The following GRID1 variants were observed in gnomAD, a reference collection of about 807,000 sequenced individuals.
The protein encoded by GRID1 is glutamate receptor ionotropic, delta-1.
Under a neutral mutation model 98.0 loss-of-function variants are expected in GRID1, and 28 were observed. The ratio of observed to expected loss-of-function variants is 0.29; its 90% CI spans 0.21 to 0.39. The LOEUF is 0.39. Ranked by LOEUF, GRID1 falls within the 10% of genes least tolerant of loss-of-function variation. The pLI, the probability that GRID1 is intolerant of heterozygous loss-of-function variation, is 1.00. For missense variants in GRID1, 1,111 were observed against 1,340.5 expected (o/e 0.83, Z 2.67); for synonymous variants, 553 against 538.5 (o/e 1.03, Z -0.37).
intron 4 of GRID1, among the ~76,000 whole-genome samples, chr10:86,045,671 C>T (rs953218114): frequency 1.1e-4 from 17 of 152,012 alleles, no homozygotes; most frequent in African/African-American, 2.4e-5. Flanking sequence ...GGAAGGAAGG[C>T]GAGGCACCGA....
intron 4 of GRID1, among the ~76,000 whole-genome samples, chr10:85,919,049 T>C (rs1172226896): frequency 6.6e-6 from 1 of 152,228 alleles, no homozygotes; most frequent in Non-Finnish European, 1.5e-5. Flanking sequence ...GCTCTGACCC[T>C]GCCTCTTGGC....
At chr10:86,250,109 A>G (rs970043058) in intron 2 of GRID1, among the ~76,000 whole-genome samples, 1 of 152,128 alleles carries the variant, frequency 6.6e-6, no homozygotes, top group Non-Finnish European at 1.5e-5. Flanking sequence ...GGATGGATGC[A>G]TGCATGTATG....
intron 4 of GRID1, among the ~76,000 whole-genome samples, chr10:86,017,579 C>T (rs983285015): frequency 1.3e-5 from 2 of 152,222 alleles, no homozygotes; most frequent in Non-Finnish European, 2.9e-5. Context: ...GGTCATGGTT[C>T]AATGTCATAG....
At chr10:86,251,945 C>T (rs1846841940) in intron 2 of GRID1, among the ~76,000 whole-genome samples, 1 of 152,216 alleles carries the variant, frequency 6.6e-6, no homozygotes, top group African/African-American at 2.4e-5. Context: ...GAGTCATCTG[C>T]AGCAAGACCA....
chr10:86,029,567 C>T (rs934183713), intron 4 of GRID1, among the ~76,000 whole-genome samples: 4 of 151,950 alleles, frequency 2.6e-5, no homozygotes, highest in African/African-American at 7.3e-5. Flanking sequence ...TTGTTTTTAC[C>T]AAAAATGAGG....
chr10:86,133,945 T>G (rs1844876748), intron 4 of GRID1, among the ~76,000 whole-genome samples: 1 of 152,078 alleles, frequency 6.6e-6, no homozygotes, highest in African/African-American at 2.4e-5. Context: ...ATCATTTAAT[T>G]TTTCCACTCT....
At chr10:85,881,192 T>C (rs1297816632) in intron 5 of GRID1, among the ~76,000 whole-genome samples, 1 of 152,158 alleles carries the variant, frequency 6.6e-6, no homozygotes, top group African/African-American at 2.4e-5. Context: ...AAAATGGCCA[T>C]ACTGCCCAAG....
chr10:86,030,163 A>G (rs1020335146), intron 4 of GRID1, among the ~76,000 whole-genome samples: 2 of 152,216 alleles, frequency 1.3e-5, no homozygotes, highest in Non-Finnish European at 2.9e-5. Flanking sequence ...AGTATATCAC[A>G]CCCTGGCTAT....
chr10:85,669,342 A>C (rs940335644), intron 12 of GRID1, among the ~76,000 whole-genome samples: 4 of 152,188 alleles, frequency 2.6e-5, no homozygotes, highest in African/African-American at 9.6e-5. Flanking sequence ...ATCACCACCT[A>C]TGGGGAAGTC....
chr10:85,672,740 T>C (rs1841101215), intron 12 of GRID1, among the ~76,000 whole-genome samples: 2 of 151,918 alleles, frequency 1.3e-5, no homozygotes, highest in African/African-American at 2.4e-5. Flanking sequence ...CAAAATATTA[T>C]TGCTCATTGA....
At chr10:86,181,066 G>A (rs931988476) in intron 3 of GRID1, among the ~76,000 whole-genome samples, 4 of 152,262 alleles carry the variant, frequency 2.6e-5, no homozygotes, top group Middle Eastern at 3.4e-3. Context: ...ATACAGCCAC[G>A]AGGCTGTACA....
At chr10:85,784,843 G>A (rs1842412192) in intron 8 of GRID1, among the ~76,000 whole-genome samples, 1 of 152,182 alleles carries the variant, frequency 6.6e-6, no homozygotes, top group African/African-American at 2.4e-5. Flanking sequence ...GCTAACTATG[G>A]AATAGTGTTT....
intron 4 of GRID1, among the ~76,000 whole-genome samples, chr10:86,137,000 A>C (rs1348529731): frequency 6.6e-6 from 1 of 152,186 alleles, no homozygotes; most frequent in African/African-American, 2.4e-5. Context: ...ACAAAAAAAA[A>C]AGTGGCCACC....
chr10:86,153,936 C>T (rs1845206617), intron 3 of GRID1, among the ~76,000 whole-genome samples: 1 of 152,160 alleles, frequency 6.6e-6, no homozygotes, highest in South Asian at 2.1e-4. Context: ...AATTTTCCTT[C>T]CAAAATACCA....
At chr10:85,854,019 G>A (rs560028671) in intron 8 of GRID1, among the ~76,000 whole-genome samples, 8 of 152,170 alleles carry the variant, frequency 5.3e-5, no homozygotes, top group African/African-American at 1.4e-4. Flanking sequence ...TTATCTTTCC[G>A]CTGGCCTCTG....
intron 8 of GRID1, among the ~76,000 whole-genome samples, chr10:85,761,886 T>G (rs1474575631): frequency 1.3e-5 from 2 of 151,982 alleles, no homozygotes; most frequent in Non-Finnish European, 2.9e-5. Context: ...CATTCTGCAA[T>G]TCAGAATTGT....
chr10:85,881,443 A>G (rs1486233691), intron 5 of GRID1, among the ~76,000 whole-genome samples: 1 of 152,210 alleles, frequency 6.6e-6, no homozygotes, highest in African/African-American at 2.4e-5. Context: ...TCAATGGAAC[A>G]GAACAGAGCC....
intron 4 of GRID1, among the ~76,000 whole-genome samples, chr10:85,962,798 C>T (rs1842287071): frequency 1.3e-5 from 2 of 152,112 alleles, no homozygotes; most frequent in South Asian, 4.2e-4. Context: ...TTCCAGATAT[C>T]CTTTCTTCCT....
chr10:85,769,734 T>TTGA (rs1842237352), intron 8 of GRID1, among the ~76,000 whole-genome samples: 1 of 152,060 alleles, frequency 6.6e-6, no homozygotes, highest in Admixed American at 6.5e-5. Flanking sequence ...AACAAAGCAG[T>TTGA]CTGAGATCAA....
Sources: allele counts gnomAD v4.1 joint callset (sites outside exome capture counted in the v4.1 genomes callset), GRCh38; gene constraint gnomAD v4.1.1; transcripts MANE v1.5; gene names NCBI Gene and HGNC (gene_info 2026-07-23, HGNC 2026-07-21).